Variants in IQUB observed in about 807,000 individuals in gnomAD.
IQUB encodes IQ motif and ubiquitin domain containing, also known as IQ motif and ubiquitin-like domain-containing protein.
A neutral mutation model predicts 86.4 loss-of-function variants in IQUB; 86 were observed. The ratio of observed to expected loss-of-function variants is 1.00; its 90% CI spans 0.84 to 1.19. The LOEUF (loss-of-function observed/expected upper bound fraction) is 1.19, where lower values mean the gene tolerates loss of function less well. IQUB is among the 50% of genes most tolerant of loss of function. IQUB has a pLI of 0.00. For missense variants in IQUB, 946 were observed against 916.9 expected (o/e 1.03, Z -0.41); for synonymous variants, 289 against 304.5 (o/e 0.95, Z 0.53).
At position 123,464,896 on chromosome 7, in the gene IQUB, C is replaced by T. The variant is rs138866231; in HGVS notation, c.1695G>A (p.Ala565=). The part of the protein sequence containing the change: ...HNLEGLRKRI[A]TLFFHYIKTP... Reference sequence around the variant, plus strand: ...TTTTGATATAATGAAAAAAGAGTGTCGCAATTCTTTTTCTGAGTCCTTCAA... The same window carrying T: ...TTTTGATATAATGAAAAAAGAGTGTTGCAATTCTTTTTCTGAGTCCTTCAA... The change falls in exon 10 of 13, where the codon GCG becomes GCA. Residue 565 remains alanine (A), a synonymous_variant. Coordinates refer to ENST00000324698, the MANE Select transcript of IQUB (RefSeq NM_178827.5). 6.3e-5 allele frequency: 102 copies of T among 1,606,990 alleles called. 1 individual carries two copies. Among genetic ancestry groups the T allele is most frequent in the Non-Finnish European group, 4.0e-5 (47 of 1,176,966 alleles).
chr7:123,455,901 A>T (rs1793673856), intron 12 of IQUB, among the ~76,000 whole-genome samples: 1 of 152,120 alleles, frequency 6.6e-6, no homozygotes, highest in Non-Finnish European at 1.5e-5. Flanking sequence ...CTTAAAGTTC[A>T]CATTAACGAA....
rs1251901149 is a variant in IQUB, at chr7:123,479,919, T to G, written c.1286A>C (p.Glu429Ala). Residue 429 changes from glutamate (E) to alanine (A), a missense_variant, in exon 8 of 13, where the codon GAA becomes GCA. Physicochemically the swap from Glu to Ala is moderately radical, Grantham distance 107. Transcript: ENST00000324698. ...AAGTTCACACAGAGCAGCTTTCCTT[T>G]CAGCTCCAGTAAAAGATTGGTTAAT... ...TRINQSFTGA[E>A]RKAALCELLE... 6.2e-7 allele frequency: 1 copy of G among 1,613,072 alleles called. No individual in the cohort carries two copies. Among genetic ancestry groups the G allele is most frequent in the South Asian group, 1.1e-5 (1 of 90,926 alleles).
At chr7:123,507,807 A>G (rs1796248797) in intron 3 of IQUB, among the ~76,000 whole-genome samples, 1 of 151,186 alleles carries the variant, frequency 6.6e-6, no homozygotes, top group African/African-American at 2.4e-5. Flanking sequence ...TGGGAGGCGG[A>G]GGTTGCAGTG....
Position 123,479,784 on chromosome 7 carries a change from A to C in IQUB, c.1410+11T>G. ...ATACATTCATATTTAAATAGTAGTC[A>C]CTTCACTAACCTTATCCAAAAAAGC... On this transcript the variant is annotated intron_variant, in intron 8 of 12. Transcript: ENST00000324698. The C allele has an allele frequency of 6.3e-7, 1 of 1,593,270 alleles. No individual in the cohort carries two copies. The highest frequency in any genetic ancestry group is 8.6e-7 in the Non-Finnish European group (1 of 1,166,798).
intron 2 of IQUB, among the ~76,000 whole-genome samples, chr7:123,511,600 A>G (rs1380171388): frequency 6.6e-6 from 1 of 152,218 alleles, no homozygotes; most frequent in Admixed American, 6.5e-5. Flanking sequence ...AATTAATTCC[A>G]AATTGGCATG....
chr7:123,474,496 C>T (rs760928054), intron 8 of IQUB, among the ~76,000 whole-genome samples: 4 of 152,108 alleles, frequency 2.6e-5, no homozygotes, highest in Admixed American at 1.3e-4. Context: ...GAAAAACAGA[C>T]ATTTTATAAG....
chr7:123,518,642 T>TAC (rs1313665207), intron 1 of IQUB, among the ~76,000 whole-genome samples: 3 of 152,186 alleles, frequency 2.0e-5, no homozygotes, highest in Non-Finnish European at 4.4e-5. Context: ...TCACCCAGGC[T>TAC]ACAGTACAGT....
Position 123,461,580 on chromosome 7 carries a change from T to C in IQUB, c.1784A>G (p.Tyr595Cys), listed in dbSNP as rs1403399586. Residue 595 changes from tyrosine (Y) to cysteine (C), a missense_variant, in exon 11 of 13, where the codon TAT becomes TGT. Transcript: ENST00000324698. ...LKVPQDPLKF[Y>C]KKIYFCHSCQ... ...ACTGTGGCAAAAGTAAATCTTCTTA[T>C]AAAATTTCAATGGGTCTTGAGGGAC... 2.5e-6 allele frequency: 4 copies of C among 1,610,308 alleles called. No homozygotes were observed. Among genetic ancestry groups the C allele is most frequent in the Non-Finnish European group, 2.5e-6 (3 of 1,177,922 alleles).
At chr7:123,468,502 C>G (rs1390402257) in intron 9 of IQUB, among the ~76,000 whole-genome samples, 1 of 151,762 alleles carries the variant, frequency 6.6e-6, no homozygotes, top group African/African-American at 2.4e-5. Flanking sequence ...AGAAAGTTAT[C>G]TCATCCAAAG....
chr7:123,465,141 C>T, intron 9 of IQUB, 132 bp from the exon 10 acceptor site: 1 of 612,950 alleles, frequency 1.6e-6, no homozygotes, highest in South Asian at 2.1e-5. Context: ...TATAAATTGG[C>T]AAAACTAATA....
chr7:123,468,261 T>C (rs1366866869), intron 9 of IQUB, among the ~76,000 whole-genome samples: 1 of 152,144 alleles, frequency 6.6e-6, no homozygotes, highest in Non-Finnish European at 1.5e-5. Context: ...AAATAGATAG[T>C]AGAGGAAGGA....
intron 7 of IQUB, among the ~76,000 whole-genome samples, chr7:123,496,116 C>T (rs999086678): frequency 2.6e-5 from 4 of 152,188 alleles, no homozygotes; most frequent in Admixed American, 6.5e-5. Flanking sequence ...GAAGGGGAAT[C>T]GTGTATCTAC....
At chr7:123,494,317 G>A (rs1259944695) in intron 7 of IQUB, among the ~76,000 whole-genome samples, 1 of 151,934 alleles carries the variant, frequency 6.6e-6, no homozygotes, top group African/African-American at 2.4e-5. Flanking sequence ...AGACTACCTC[G>A]AGGAAAAGTT....
chr7:123,475,498 C>A (rs550382175), intron 8 of IQUB, among the ~76,000 whole-genome samples: 1 of 151,380 alleles, frequency 6.6e-6, no homozygotes, highest in Non-Finnish European at 1.5e-5. Context: ...GGCCTTGATC[C>A]ATTTATGGAT....
At chr7:123,516,968 A>G (rs1235049751) in intron 1 of IQUB, among the ~76,000 whole-genome samples, 2 of 152,126 alleles carry the variant, frequency 1.3e-5, no homozygotes, top group African/African-American at 2.4e-5. Flanking sequence ...TGGGCCAGAG[A>G]AAAAGGACTT....
At chr7:123,469,460 AG>A (rs1419927401) in intron 8 of IQUB, 76 bp from the exon 9 acceptor site, 1 of 768,294 alleles carries the variant, frequency 1.3e-6, no homozygotes, top group Non-Finnish European at 2.0e-6. Flanking sequence ...TTCTACTAAA[AG>A]TCTACCTTAA....
intron 7 of IQUB, among the ~76,000 whole-genome samples, chr7:123,482,074 G>T (rs963149541): frequency 2.6e-5 from 4 of 151,860 alleles, no homozygotes; most frequent in African/African-American, 7.2e-5. Flanking sequence ...ACATAAAACT[G>T]GGGGGGAGAA....
chr7:123,489,320 T>C (rs935402122), intron 7 of IQUB, among the ~76,000 whole-genome samples: 52 of 152,284 alleles, frequency 3.4e-4, no homozygotes, highest in African/African-American at 1.2e-3. Context: ...TGGAATAGAA[T>C]AATTGGAACT....
chr7:123,526,872 C>A (rs566172929), intron 1 of IQUB, among the ~76,000 whole-genome samples: 1 of 152,006 alleles, frequency 6.6e-6, no homozygotes, highest in African/African-American at 2.4e-5. Context: ...CTTCTTCAGG[C>A]GCTCTTTTAG....
Sources: allele counts gnomAD v4.1 joint callset (sites outside exome capture counted in the v4.1 genomes callset), GRCh38; gene constraint gnomAD v4.1.1; transcripts MANE v1.5; gene names NCBI Gene and HGNC (gene_info 2026-07-23, HGNC 2026-07-21).